The following GRIP1 variants were observed in gnomAD, a reference collection of about 807,000 sequenced individuals.
The protein encoded by GRIP1 is glutamate receptor-interacting protein 1.
Under a neutral mutation model 129.9 loss-of-function variants are expected in GRIP1, and 45 were observed. The observed-to-expected ratio is 0.35, with a 90% CI of 0.27 to 0.44. GRIP1 has a LOEUF of 0.44. GRIP1 is among the 20% of genes least tolerant of loss of function. The pLI, the probability that GRIP1 is intolerant of heterozygous loss-of-function variation, is 1.00. For synonymous variants in GRIP1, 530 were observed against 520.8 expected (o/e 1.02, Z -0.24); for missense variants, 1,196 against 1,396.8 (o/e 0.86, Z 2.29).
At chr12:66,560,530 T>G (rs2062488079) in intron 2 of GRIP1, among the ~76,000 whole-genome samples, 1 of 151,896 alleles carries the variant, frequency 6.6e-6, no homozygotes, top group South Asian at 2.1e-4. Flanking sequence ...GATTAGACAT[T>G]TCTCAAAAAA....
chr12:66,397,090 G>A lies in GRIP1; in HGVS notation c.1985-2738C>T, dbSNP rs111761893. On this transcript the variant is annotated intron_variant, in intron 16 of 24. Transcript: ENST00000359742. ...CATGTCACTGCTCTCCAGCCTGGGC[G>A]ATGGAGCGAGACTCTGTCTCAAAAA... Among the ~76,000 whole-genome samples, 329 of 114,776 alleles carry A rather than the reference G, an allele frequency of 2.9e-3. 1 individual carries two copies. The highest frequency in any genetic ancestry group is 9.8e-3 in the African/African-American group (287 of 29,218). 75.3% of individuals were successfully genotyped at this position (114,776 alleles called of 152,430 possible).
intron 1 of GRIP1, among the ~76,000 whole-genome samples, chr12:66,701,910 C>G (rs2035366550): frequency 6.6e-6 from 1 of 152,136 alleles, no homozygotes; most frequent in Non-Finnish European, 1.5e-5. Flanking sequence ...TCCTCACTCT[C>G]TTTTTAGAAC....
chr12:66,513,540 T>C (rs772360895), intron 7 of GRIP1, among the ~76,000 whole-genome samples: 15 of 152,168 alleles, frequency 9.9e-5, no homozygotes, highest in Non-Finnish European at 2.1e-4. Context: ...AATGGGTTCA[T>C]GTAACTTCTA....
chr12:66,366,936 G>A (rs776441999), intron 23 of GRIP1, among the ~76,000 whole-genome samples: 2 of 152,106 alleles, frequency 1.3e-5, no homozygotes, highest in Non-Finnish European at 1.5e-5. Flanking sequence ...CTCTTGCACT[G>A]GCCTCCCAAA....
Position 66,373,563 on chromosome 12 carries a change from T to A in GRIP1, c.2779-1636A>T, listed in dbSNP as rs115372131. On this transcript the variant is annotated intron_variant, in intron 22 of 24. Transcript: ENST00000359742. ...CTCTAAGATTTCATAGTTCCCAAAT[T>A]CACCTGGTGTTCAGCTATACACACA... 2.5e-3 allele frequency among the ~76,000 whole-genome samples: 382 copies of A among 152,302 alleles called. 4 individuals are homozygous for A. The highest frequency in any genetic ancestry group is 6.6e-3 in the African/African-American group (273 of 41,558).
intron 1 of GRIP1, among the ~76,000 whole-genome samples, chr12:66,735,657 G>T (rs2036571406): frequency 6.6e-6 from 1 of 152,122 alleles, no homozygotes; most frequent in Non-Finnish European, 1.5e-5. Flanking sequence ...GAGAAAACCT[G>T]AGAACAAAGG....
chr12:66,561,640 C>T (rs576797248), intron 2 of GRIP1, among the ~76,000 whole-genome samples: 117 of 152,204 alleles, frequency 7.7e-4, no homozygotes, highest in African/African-American at 2.7e-3. Context: ...AAAAACCAGC[C>T]CTATTGCCTC....
At chr12:66,644,479 A>C (rs1342841932) in intron 1 of GRIP1, among the ~76,000 whole-genome samples, 1 of 152,174 alleles carries the variant, frequency 6.6e-6, no homozygotes, top group Non-Finnish European at 1.5e-5. Context: ...GATACAGAAA[A>C]ACTTTCTACC....
At chr12:66,939,946 A>C (rs1024682427) in intron 1 of GRIP1, among the ~76,000 whole-genome samples, 2 of 152,210 alleles carry the variant, frequency 1.3e-5, no homozygotes, top group Non-Finnish European at 2.9e-5. Flanking sequence ...GTTACAAGAG[A>C]CTAACATTTC....
At chr12:67,029,170 G>T (rs530255526) in intron 1 of GRIP1, among the ~76,000 whole-genome samples, 48 of 152,148 alleles carry the variant, frequency 3.2e-4, no homozygotes, top group Non-Finnish European at 1.3e-4. Flanking sequence ...GGAGTGCAGC[G>T]GCACAATCTC....
At chr12:66,761,707 T>TAAAGG (rs2037481685) in intron 1 of GRIP1, among the ~76,000 whole-genome samples, 1 of 152,260 alleles carries the variant, frequency 6.6e-6, no homozygotes, top group African/African-American at 2.4e-5. Context: ...AATATACTTT[T>TAAAGG]AAAGGAAGTA....
chr12:67,040,088 T>C (rs1224663474), intron 1 of GRIP1, among the ~76,000 whole-genome samples: 1 of 152,186 alleles, frequency 6.6e-6, no homozygotes, highest in Non-Finnish European at 1.5e-5. Flanking sequence ...TGCTTTCGTC[T>C]TAGAAACTAG....
intron 19 of GRIP1, among the ~76,000 whole-genome samples, chr12:66,383,012 A>T (rs541763852): frequency 1.3e-5 from 2 of 152,136 alleles, no homozygotes; most frequent in Non-Finnish European, 2.9e-5. Context: ...GTAAGACAGT[A>T]CATGGTGGGC....
intron 1 of GRIP1, among the ~76,000 whole-genome samples, chr12:66,599,304 C>T (rs559394386): frequency 6.6e-6 from 1 of 152,182 alleles, no homozygotes; most frequent in Admixed American, 6.5e-5. Context: ...ATTGCTTTCA[C>T]CCTCACTGCC....
chr12:66,418,788 C>A (rs1169303637), intron 15 of GRIP1, among the ~76,000 whole-genome samples: 1 of 151,958 alleles, frequency 6.6e-6, no homozygotes, highest in Non-Finnish European at 1.5e-5. Flanking sequence ...AAAAGACAGG[C>A]AATAACAAAT....
chr12:66,679,944 G>A (rs1049521435), upstream of GRIP1, among the ~76,000 whole-genome samples: 1 of 152,180 alleles, frequency 6.6e-6, no homozygotes, highest in East Asian at 1.9e-4. Flanking sequence ...ATAAGAAGGC[G>A]GAGCACACCT....
intron 1 of GRIP1, among the ~76,000 whole-genome samples, chr12:66,950,067 C>T (rs962292427): frequency 1.5e-4 from 23 of 152,160 alleles, no homozygotes; most frequent in South Asian, 2.1e-4. Context: ...TGAGCCACCA[C>T]GCCCGGCCAC....
chr12:66,653,496 C>T (rs751053168), intron 1 of GRIP1, among the ~76,000 whole-genome samples: 8 of 152,186 alleles, frequency 5.3e-5, no homozygotes, highest in Non-Finnish European at 1.0e-4. Context: ...TTCCTAATCT[C>T]ATGTAGTAGA....
At chr12:66,767,042 G>A (rs548626687) in intron 1 of GRIP1, among the ~76,000 whole-genome samples, 5 of 152,164 alleles carry the variant, frequency 3.3e-5, no homozygotes, top group Admixed American at 6.5e-5. Context: ...ATACTACAAC[G>A]TTTTAATGCA....
Sources: allele counts gnomAD v4.1 joint callset (sites outside exome capture counted in the v4.1 genomes callset), GRCh38; gene constraint gnomAD v4.1.1; transcripts MANE v1.5; gene names NCBI Gene and HGNC (gene_info 2026-07-23, HGNC 2026-07-21).